PTPRT: variants seen among roughly 807,000 people sequenced by gnomAD.
The protein encoded by PTPRT is protein tyrosine phosphatase receptor type T.
In PTPRT, 56 loss-of-function variants were observed where a neutral mutation model predicts 176.8. That is an observed-to-expected ratio of 0.32 (90% confidence interval 0.26 to 0.40). The LOEUF (loss-of-function observed/expected upper bound fraction) is 0.40, where lower values mean the gene tolerates loss of function less well. PTPRT is among the 10% of genes least tolerant of loss of function. PTPRT has a pLI of 1.00. For missense variants in PTPRT, 1,540 were observed against 1,908.2 expected (o/e 0.81, Z 3.60); for synonymous variants, 783 against 739.0 (o/e 1.06, Z -0.96).
At chr20:42,756,869 G>A (rs1014663862) in intron 5 of PTPRT, among the ~76,000 whole-genome samples, 2 of 152,056 alleles carry the variant, frequency 1.3e-5, no homozygotes, top group Non-Finnish European at 1.5e-5. Flanking sequence ...TAGGTAGCAA[G>A]CAAGACCTTG....
At chr20:42,208,502 T>C (rs979840181) in intron 15 of PTPRT, among the ~76,000 whole-genome samples, 6 of 152,056 alleles carry the variant, frequency 3.9e-5, no homozygotes, top group African/African-American at 1.4e-4. Flanking sequence ...TCCTAGTCTC[T>C]GATAAAACCG....
intron 4 of PTPRT, 105 bp downstream of exon 4, chr20:42,780,113 G>A (rs1303006121): frequency 1.1e-6 from 1 of 904,520 alleles, no homozygotes. Context: ...GAGAAAGAGA[G>A]AGTGAGAGAT....
chr20:42,717,727 A>G (rs1339692699), intron 6 of PTPRT, among the ~76,000 whole-genome samples: 1 of 152,238 alleles, frequency 6.6e-6, no homozygotes, highest in Non-Finnish European at 1.5e-5. Flanking sequence ...CAAGCTACAG[A>G]AAGAAAAAGG....
At chr20:42,103,748 G>A (rs2425475) in intron 25 of PTPRT, among the ~76,000 whole-genome samples, 103,827 of 152,134 alleles carry the variant, frequency 0.68, 36,134 homozygotes, top group African/African-American at 0.82. Flanking sequence ...GTCCCTCCAG[G>A]GATGAAGGAG....
chr20:42,099,913 C>A (rs1365113855), intron 26 of PTPRT, among the ~76,000 whole-genome samples: 1 of 152,144 alleles, frequency 6.6e-6, no homozygotes, highest in Non-Finnish European at 1.5e-5. Context: ...TTTCCAAAAG[C>A]CAAACTCTCT....
intron 1 of PTPRT, among the ~76,000 whole-genome samples, chr20:43,026,485 A>G (rs1467112370): frequency 2.0e-5 from 3 of 152,198 alleles, no homozygotes; most frequent in East Asian, 1.9e-4. Flanking sequence ...TCTGGGGTAC[A>G]TGAGATATAT....
chr20:42,405,649 A>T (rs1364921503), intron 9 of PTPRT, among the ~76,000 whole-genome samples: 1 of 152,200 alleles, frequency 6.6e-6, no homozygotes, highest in African/African-American at 2.4e-5. Context: ...GCCGCAATAA[A>T]CATATGTGTG....
At chr20:43,121,445 T>C (rs1256847883) in intron 1 of PTPRT, among the ~76,000 whole-genome samples, 2 of 152,246 alleles carry the variant, frequency 1.3e-5, no homozygotes, top group African/African-American at 2.4e-5. Context: ...AGTAGCGATG[T>C]ATGAGAGTTT....
intron 18 of PTPRT, among the ~76,000 whole-genome samples, chr20:42,137,061 A>T (rs2146396782): frequency 6.6e-6 from 1 of 152,334 alleles, no homozygotes; most frequent in East Asian, 1.9e-4. Context: ...TAGTGGCCAG[A>T]AAAAGTCCTT....
chr20:42,258,271 T>A (rs1028171724), intron 13 of PTPRT, among the ~76,000 whole-genome samples: 2 of 152,222 alleles, frequency 1.3e-5, no homozygotes, highest in Non-Finnish European at 2.9e-5. Flanking sequence ...CGTATCCTAT[T>A]CTAATATCTA....
intron 1 of PTPRT, among the ~76,000 whole-genome samples, chr20:42,948,971 A>C (rs1298782852): frequency 6.6e-6 from 1 of 152,152 alleles, no homozygotes; most frequent in Non-Finnish European, 1.5e-5. Context: ...TGATTAAAAG[A>C]GCTGCTCACC....
intron 2 of PTPRT, among the ~76,000 whole-genome samples, chr20:42,844,135 T>C (rs866793752): frequency 6.6e-6 from 1 of 152,360 alleles, no homozygotes; most frequent in Middle Eastern, 3.4e-3. Flanking sequence ...TGCCAGGCAC[T>C]GTGCTAGGCA....
intron 1 of PTPRT, among the ~76,000 whole-genome samples, chr20:43,070,201 G>A (rs1022637118): frequency 2.0e-5 from 3 of 152,136 alleles, no homozygotes; most frequent in African/African-American, 7.2e-5. Flanking sequence ...TGACCAGCAG[G>A]TGACCAGCCC....
At chr20:42,810,080 C>T (rs2077677003) in intron 2 of PTPRT, among the ~76,000 whole-genome samples, 1 of 152,106 alleles carries the variant, frequency 6.6e-6, no homozygotes, top group Non-Finnish European at 1.5e-5. Context: ...ATTGCCTGAG[C>T]TCTGGAGTTC....
chr20:43,100,545 T>TA, intron 1 of PTPRT, among the ~76,000 whole-genome samples: 1 of 152,318 alleles, frequency 6.6e-6, no homozygotes, highest in South Asian at 2.1e-4. Context: ...GGCCTTGACA[T>TA]AGAACCTGAA....
intron 1 of PTPRT, among the ~76,000 whole-genome samples, chr20:43,120,122 A>C (rs1008006125): frequency 2.6e-5 from 4 of 152,186 alleles, no homozygotes; most frequent in Non-Finnish European, 5.9e-5. Flanking sequence ...CCTGATTCTT[A>C]AACCAGGAGT....
intron 2 of PTPRT, among the ~76,000 whole-genome samples, chr20:42,851,420 C>G (rs904154170): frequency 6.6e-6 from 1 of 152,160 alleles, no homozygotes; most frequent in Non-Finnish European, 1.5e-5. Context: ...TCATCACTGT[C>G]TTGCATTTCT....
intron 1 of PTPRT, among the ~76,000 whole-genome samples, chr20:43,058,557 T>G (rs1373287775): frequency 6.6e-6 from 1 of 152,216 alleles, no homozygotes; most frequent in Non-Finnish European, 1.5e-5. Flanking sequence ...CAGGCCTCTG[T>G]AACTGCTCTA....
intron 9 of PTPRT, among the ~76,000 whole-genome samples, chr20:42,402,134 G>C (rs1023691283): frequency 6.6e-6 from 1 of 152,178 alleles, no homozygotes; most frequent in African/African-American, 2.4e-5. Flanking sequence ...AGTTTGCAGA[G>C]AGAGCACAGA....
Sources: allele counts gnomAD v4.1 joint callset (sites outside exome capture counted in the v4.1 genomes callset), GRCh38; gene constraint gnomAD v4.1.1; transcripts MANE v1.5; gene names NCBI Gene and HGNC (gene_info 2026-07-23, HGNC 2026-07-21).